NRG1: variants seen among roughly 807,000 people sequenced by gnomAD.
NRG1 encodes neuregulin 1.
Under a neutral mutation model 63.8 loss-of-function variants are expected in NRG1, and 18 were observed. The observed-to-expected ratio is 0.28, with a 90% CI of 0.19 to 0.42. The LOEUF (loss-of-function observed/expected upper bound fraction) is 0.42, where lower values mean the gene tolerates loss of function less well. NRG1 is among the 10% of genes least tolerant of loss of function. NRG1 has a pLI of 1.00. For synonymous variants in NRG1, 302 were observed against 301.3 expected, an observed-to-expected ratio of 1.00 and a Z score of -0.02; for missense variants, 762 against 814.7, an observed-to-expected ratio of 0.94 and a Z score of 0.79.
chr8:32,269,288 G>GT (rs1851305400), intron 1 of NRG1, among the ~76,000 whole-genome samples: 1 of 152,152 alleles, frequency 6.6e-6, no homozygotes, highest in Non-Finnish European at 1.5e-5. Flanking sequence ...GTAAAGTTGT[G>GT]TTTTTAAATA....
intron 1 of NRG1, among the ~76,000 whole-genome samples, chr8:31,682,259 C>G (rs1266880101): frequency 1.3e-5 from 2 of 152,080 alleles, no homozygotes; most frequent in East Asian, 1.9e-4. Context: ...AATTAAGGTT[C>G]CCACCAGCAC....
At chr8:32,416,178 A>AT (rs1490755329) in intron 1 of NRG1, among the ~76,000 whole-genome samples, 2 of 152,200 alleles carry the variant, frequency 1.3e-5, no homozygotes, top group Admixed American at 1.3e-4. Flanking sequence ...ATATAATATT[A>AT]CCTACCTTTA....
intron 1 of NRG1, among the ~76,000 whole-genome samples, chr8:31,697,900 T>TA (rs1810244247): frequency 6.6e-6 from 1 of 151,852 alleles, no homozygotes; most frequent in Non-Finnish European, 1.5e-5. Flanking sequence ...TTCTTTCTTT[T>TA]TTTTTTTTGA....
At chr8:32,300,036 A>G (rs767388235) in intron 1 of NRG1, among the ~76,000 whole-genome samples, 1 of 152,168 alleles carries the variant, frequency 6.6e-6, no homozygotes, top group Non-Finnish European at 1.5e-5. Context: ...CAATAGGAGC[A>G]CCACCTAGTT....
chr8:32,280,793 G>T (rs1437223702), intron 1 of NRG1, among the ~76,000 whole-genome samples: 10 of 99,926 alleles, frequency 1.0e-4, no homozygotes, highest in African/African-American at 3.6e-4. Context: ...ACAGAGTCTT[G>T]CTCTGTTGCC....
At chr8:32,182,786 G>A (rs73675851) in intron 1 of NRG1, among the ~76,000 whole-genome samples, 2,038 of 151,618 alleles carry the variant, frequency 0.013, 54 homozygotes, top group African/African-American at 0.046. Flanking sequence ...TATATTTTTT[G>A]CTGTGAAAAA....
At chr8:32,544,955 C>CGA (rs1554577228), upstream of NRG1, among the ~76,000 whole-genome samples, 4 of 151,630 alleles carry the variant, frequency 2.6e-5, no homozygotes, top group African/African-American at 9.7e-5. Flanking sequence ...AACTTTGTTG[C>CGA]AGTTTTTAAA....
At chr8:32,442,383 C>T (rs771186180) in intron 1 of NRG1, 4 of 152,182 alleles carry the variant, frequency 2.6e-5, no homozygotes, top group Non-Finnish European at 5.9e-5. Flanking sequence ...GGCTCTTTGG[C>T]ACTTCCCACA....
At chr8:31,699,964 C>G (rs191795772) in intron 1 of NRG1, among the ~76,000 whole-genome samples, 113 of 152,254 alleles carry the variant, frequency 7.4e-4, no homozygotes, top group African/African-American at 2.6e-3. Context: ...CATAAAAATA[C>G]GAAAACCTTT....
chr8:32,506,767 C>T (rs184921173), intron 1 of NRG1, among the ~76,000 whole-genome samples: 2 of 152,102 alleles, frequency 1.3e-5, no homozygotes, highest in East Asian at 3.9e-4. Flanking sequence ...GTAATCCCAG[C>T]ACTTTGGGAG....
At chr8:32,264,261 A>G (rs536910586) in intron 1 of NRG1, among the ~76,000 whole-genome samples, 1 of 152,160 alleles carries the variant, frequency 6.6e-6, no homozygotes, top group African/African-American at 2.4e-5. Context: ...ATTGTCTGTC[A>G]ATCCTTCTTG....
At chr8:32,606,585 A>T (rs1198508863) in intron 3 of NRG1, among the ~76,000 whole-genome samples, 2 of 152,070 alleles carry the variant, frequency 1.3e-5, no homozygotes, top group African/African-American at 4.8e-5. Context: ...ATAGGAGCTG[A>T]TGATGATGAT....
intron 5 of NRG1, among the ~76,000 whole-genome samples, chr8:32,715,427 G>A (rs1006054761): frequency 2.0e-5 from 3 of 152,136 alleles, no homozygotes; most frequent in African/African-American, 4.8e-5. Flanking sequence ...GGCATGAAAG[G>A]CATGAGGAAA....
At chr8:32,536,922 C>CAAAAAAAAA (rs35265022) in intron 1 of NRG1, among the ~76,000 whole-genome samples, 2 of 35,912 alleles carry the variant, frequency 5.6e-5, no homozygotes, top group African/African-American at 1.5e-4. Context: ...GACTCCGTCT[C>CAAAAAAAAA]AAAAAAAAAA....
At chr8:31,648,324 G>A (rs193035560) in intron 1 of NRG1, among the ~76,000 whole-genome samples, 3,255 of 151,730 alleles carry the variant, frequency 0.021, 54 homozygotes, top group Non-Finnish European at 0.033. Context: ...AGTAGAGACG[G>A]GGTTTCACCG....
chr8:32,438,063 A>G (rs1396134888), intron 1 of NRG1, among the ~76,000 whole-genome samples: 1 of 152,186 alleles, frequency 6.6e-6, no homozygotes, highest in Non-Finnish European at 1.5e-5. Flanking sequence ...TCCAATGGTG[A>G]CATCTTGAAA....
intron 1 of NRG1, among the ~76,000 whole-genome samples, chr8:32,231,393 G>A (rs1223995970): frequency 1.3e-5 from 2 of 151,982 alleles, no homozygotes; most frequent in Non-Finnish European, 2.9e-5. Context: ...ATAGAAACAA[G>A]ATCAAAGGGC....
At chr8:32,093,544 T>C (rs189446378) in intron 1 of NRG1, among the ~76,000 whole-genome samples, 1 of 152,328 alleles carries the variant, frequency 6.6e-6, no homozygotes, top group East Asian at 1.9e-4. Context: ...AGGTACAAGT[T>C]CTTTTTCACT....
chr8:32,054,893 T>C (rs1460337970), intron 1 of NRG1, among the ~76,000 whole-genome samples: 5 of 91,136 alleles, frequency 5.5e-5, no homozygotes, highest in Non-Finnish European at 1.0e-4. Flanking sequence ...TTTTTTTTTT[T>C]TTTTTTTTTT....
Sources: allele counts gnomAD v4.1 joint callset (sites outside exome capture counted in the v4.1 genomes callset), GRCh38; gene constraint gnomAD v4.1.1; transcripts MANE v1.5; gene names NCBI Gene and HGNC (gene_info 2026-07-23, HGNC 2026-07-21).